PIWIL4: variants seen among roughly 807,000 people sequenced by gnomAD.
PIWIL4 encodes piwi-like protein 4.
In PIWIL4, 50 loss-of-function variants were observed where a neutral mutation model predicts 100.9. The ratio of observed to expected loss-of-function variants is 0.50; its 90% CI spans 0.39 to 0.63. The LOEUF (loss-of-function observed/expected upper bound fraction) is 0.63. PIWIL4 is among the 20% of genes least tolerant of loss of function. The pLI is 0.00. For missense variants in PIWIL4, 887 were observed against 1,043.3 expected, an observed-to-expected ratio of 0.85 and a Z score of 2.06; for synonymous variants, 342 against 367.5, an observed-to-expected ratio of 0.93 and a Z score of 0.79.
chr11:94,597,801 C>CA lies in PIWIL4; in HGVS notation c.1269-2dup. ...TAATGATTTAAAACAACTTTATCAA[C>CA]AGGAATACCAATGCTCGCTTTGAAC... On this transcript the variant is annotated splice_region_variant and splice_polypyrimidine_tract_variant and intron_variant, in intron 10 of 19. Transcript: ENST00000299001. 1.2e-6 allele frequency: 2 copies of CA among 1,602,406 alleles called. No homozygotes were observed. The highest frequency in any genetic ancestry group is 1.7e-6 in the Non-Finnish European group (2 of 1,170,294).
rs201344077 is a variant in PIWIL4 at position 94,607,403 on chromosome 11, T to C, written c.1639-36T>C. ...AAAGCAACTTCTTAGCAGAAGTAAA[T>C]TAACTTCCAAAATCTTTTGCTGTTT... On this transcript the variant is annotated intron_variant, in intron 13 of 19. Transcript: ENST00000299001. 12 of 1,575,218 alleles carry C rather than the reference T, an allele frequency of 7.6e-6. No homozygotes were observed. In the East Asian group the frequency reaches 2.7e-4, roughly 35 times the overall value.
chr11:94,577,845 C>T (rs1042848599), intron 4 of PIWIL4, among the ~76,000 whole-genome samples: 2 of 152,062 alleles, frequency 1.3e-5, no homozygotes, highest in Non-Finnish European at 2.9e-5. Context: ...TCAGAAGGAG[C>T]CAAATCAGCA....
At chr11:94,595,031 C>T (rs1446079371) in intron 9 of PIWIL4, among the ~76,000 whole-genome samples, 1 of 152,210 alleles carries the variant, frequency 6.6e-6, no homozygotes, top group Non-Finnish European at 1.5e-5. Context: ...ACTACCTCAA[C>T]AATAAATGTT....
intron 8 of PIWIL4, 46 bp downstream of exon 8, chr11:94,589,278 A>G: frequency 6.7e-7 from 1 of 1,481,494 alleles, no homozygotes; most frequent in Non-Finnish European, 9.4e-7. Flanking sequence ...CTTTTACCTC[A>G]GAGAAGTCTC....
chr11:94,608,332 C>T lies in PIWIL4; in HGVS notation c.1840-251C>T, dbSNP rs1392841329. 4 of 378,348 alleles carry T rather than the reference C, an allele frequency of 1.1e-5. No individual in the cohort carries two copies. The East Asian group carries it at 2.0e-4, about 19-fold the overall frequency. The allele number at this position is 378,348 out of a possible 1,614,324, so 23.4% of individuals were successfully genotyped here. On this transcript the variant is annotated intron_variant, in intron 14 of 19. Coordinates refer to ENST00000299001, the MANE Select transcript of PIWIL4 (RefSeq NM_152431.3). ...CCACTGGTGCCCCTTCCCCACCCCACAAAGGATGATGGTTATCTTGGACGG... is the reference window on the plus strand; with the variant it reads ...CCACTGGTGCCCCTTCCCCACCCCATAAAGGATGATGGTTATCTTGGACGG...
chr11:94,605,541 A>G (rs541290951), intron 13 of PIWIL4, among the ~76,000 whole-genome samples: 1 of 152,312 alleles, frequency 6.6e-6, no homozygotes, highest in South Asian at 2.1e-4. Flanking sequence ...TATCAGTTGC[A>G]TGTGTACATA....
At chr11:94,598,000 CT>C in intron 11 of PIWIL4, 85 bp downstream of exon 11, 1 of 1,018,462 alleles carries the variant, frequency 9.8e-7, no homozygotes, top group Non-Finnish European at 1.5e-6. Flanking sequence ...GGCTTGTGTG[CT>C]TATAATATTT....
At chr11:94,587,700 C>T (rs956651921) in intron 7 of PIWIL4, among the ~76,000 whole-genome samples, 2 of 152,238 alleles carry the variant, frequency 1.3e-5, no homozygotes, top group African/African-American at 2.4e-5. Flanking sequence ...TAGCACTTTG[C>T]TTATGGCTAC....
In PIWIL4 at chr11:94,583,044, ATGTGTGTGTG is replaced by A. The variant is rs58072951; in HGVS notation, c.514-383_514-374del. On this transcript the variant is annotated intron_variant, in intron 4 of 19. Transcript: ENST00000299001. Reference sequence around the variant, plus strand: ...TGTTGTGGTGTGTGTATATATATATATGTGTGTGTGTGTGTGTGTGTGTGTGTGTGAAATT... The same window carrying A: ...TGTTGTGGTGTGTGTATATATATATATGTGTGTGTGTGTGTGTGTGAAATT... 1.2e-4 allele frequency among the ~76,000 whole-genome samples: 16 copies of A among 133,892 alleles called. No homozygotes were observed. In the South Asian group the frequency reaches 1.6e-3, roughly 14 times the overall value. The allele number at this position is 133,892 out of a possible 152,430, so 87.8% of individuals were successfully genotyped here.
chr11:94,579,289 A>G (rs1017847319), intron 4 of PIWIL4, among the ~76,000 whole-genome samples: 9 of 152,220 alleles, frequency 5.9e-5, no homozygotes, highest in Non-Finnish European at 7.3e-5. Context: ...CATTGGAAAT[A>G]GCTATTGTGT....
chr11:94,606,405 AT>A (rs1948717399), intron 13 of PIWIL4, among the ~76,000 whole-genome samples: 1 of 152,234 alleles, frequency 6.6e-6, no homozygotes, highest in African/African-American at 2.4e-5. Flanking sequence ...AGGTGGAAAA[AT>A]TACTTTGTTT....
intron 7 of PIWIL4, among the ~76,000 whole-genome samples, chr11:94,588,250 T>C (rs1300756363): frequency 1.3e-5 from 2 of 152,172 alleles, no homozygotes; most frequent in East Asian, 3.9e-4. Context: ...CTGAGGATAA[T>C]GGCTTCCAGC....
chr11:94,618,129 C>T (rs1164125947), intron 17 of PIWIL4, 22 bp downstream of exon 17: 1 of 1,532,666 alleles, frequency 6.5e-7, no homozygotes, highest in East Asian at 2.3e-5. Context: ...TTGTTCTTTC[C>T]TCCATACTCC....
At chr11:94,567,938 G>A (rs995354415) in intron 1 of PIWIL4, 2 of 520,934 alleles carry the variant, frequency 3.8e-6, no homozygotes, top group Non-Finnish European at 2.5e-6. Context: ...AACATTACAC[G>A]GCATATAATC....
At chr11:94,579,440 T>G (rs2135246799) in intron 4 of PIWIL4, among the ~76,000 whole-genome samples, 1 of 152,334 alleles carries the variant, frequency 6.6e-6, no homozygotes, top group South Asian at 2.1e-4. Flanking sequence ...AATTTCTGTG[T>G]GAAAAATTAA....
At chr11:94,582,320 G>A (rs1293454210) in intron 4 of PIWIL4, among the ~76,000 whole-genome samples, 1 of 152,136 alleles carries the variant, frequency 6.6e-6, no homozygotes, top group Non-Finnish European at 1.5e-5. Flanking sequence ...ATGTTGATGA[G>A]CTCTTTCTAT....
At chr11:94,577,541 A>G (rs779118313) in intron 4 of PIWIL4, 49 bp downstream of exon 4, 5 of 1,420,764 alleles carry the variant, frequency 3.5e-6, no homozygotes, top group Non-Finnish European at 4.9e-6. Context: ...TGTGTTTATT[A>G]TATGTGTATA....
At chr11:94,589,056 G>T in intron 7 of PIWIL4, 65 bp from the exon 8 acceptor site, 1 of 1,116,994 alleles carries the variant, frequency 9.0e-7, no homozygotes, top group Non-Finnish European at 1.3e-6. Flanking sequence ...AATTAAAAGT[G>T]TGGTGAAGTA....
At chr11:94,610,657 T>C (rs1948778848) in intron 15 of PIWIL4, among the ~76,000 whole-genome samples, 1 of 152,192 alleles carries the variant, frequency 6.6e-6, no homozygotes, top group African/African-American at 2.4e-5. Context: ...GAAAAATGTC[T>C]ATTTAATTGG....
Sources: gnomAD v4.1 joint callset for allele counts (sites outside exome capture counted in the v4.1 genomes callset) on GRCh38, gnomAD v4.1.1 for gene constraint, MANE v1.5 for transcripts, NCBI Gene and HGNC (gene_info 2026-07-23, HGNC 2026-07-21) for gene names.